FTO: variants seen among roughly 807,000 people sequenced by gnomAD.
The protein encoded by FTO is FTO alpha-ketoglutarate dependent dioxygenase, also known as alpha-ketoglutarate-dependent dioxygenase FTO.
A neutral mutation model predicts 63.9 loss-of-function variants in FTO; 47 were observed. That is an observed-to-expected ratio of 0.74 (90% CI 0.58 to 0.94). FTO has a LOEUF of 0.94. Ranked by LOEUF, FTO falls within the 40% of genes least tolerant of loss-of-function variation. FTO has a pLI of 0.00. For synonymous variants in FTO, 207 were observed against 224.4 expected, an observed-to-expected ratio of 0.92 and a Z score of 0.69; for missense variants, 562 against 618.1, an observed-to-expected ratio of 0.91 and a Z score of 0.96.
chr16:54,088,876 C>T (rs1320936217), intron 8 of FTO, among the ~76,000 whole-genome samples: 1 of 152,198 alleles, frequency 6.6e-6, no homozygotes, highest in Non-Finnish European at 1.5e-5. Context: ...CTAACACCCA[C>T]GTTATAAAGA....
At chr16:53,771,293 ATC>A (rs1026898056) in intron 1 of FTO, among the ~76,000 whole-genome samples, 1 of 152,144 alleles carries the variant, frequency 6.6e-6, no homozygotes, top group Non-Finnish European at 1.5e-5. Context: ...CCCTGGAAAC[ATC>A]CTTGACTTCG....
chr16:54,035,009 GT>G (rs759360748), intron 8 of FTO, among the ~76,000 whole-genome samples: 7 of 152,144 alleles, frequency 4.6e-5, no homozygotes, highest in Non-Finnish European at 1.0e-4. Context: ...TTGATAACCT[GT>G]TTTGTGTGCT....
At chr16:54,020,186 A>G (rs2084555236) in intron 8 of FTO, among the ~76,000 whole-genome samples, 1 of 152,214 alleles carries the variant, frequency 6.6e-6, no homozygotes, top group Admixed American at 6.5e-5. Context: ...GAAATTTAAT[A>G]CTATTTTGTC....
chr16:54,103,987 G>A (rs2086693310), intron 8 of FTO, among the ~76,000 whole-genome samples: 1 of 152,086 alleles, frequency 6.6e-6, no homozygotes, highest in African/African-American at 2.4e-5. Flanking sequence ...AATTATACAT[G>A]GAAATCCCTT....
chr16:53,966,256 G>A (rs1213235701), intron 8 of FTO, among the ~76,000 whole-genome samples: 1 of 152,128 alleles, frequency 6.6e-6, no homozygotes, highest in Non-Finnish European at 1.5e-5. Context: ...TTAATTGTCT[G>A]CCCCTACCCT....
intron 8 of FTO, among the ~76,000 whole-genome samples, chr16:54,037,198 G>A (rs2084960655): frequency 6.6e-6 from 1 of 152,156 alleles, no homozygotes; most frequent in East Asian, 1.9e-4. Flanking sequence ...TGTGGCTAGG[G>A]AGTTCAGGCC....
intron 8 of FTO, among the ~76,000 whole-genome samples, chr16:54,012,641 T>C (rs534338647): frequency 6.6e-6 from 1 of 152,336 alleles, no homozygotes; most frequent in South Asian, 2.1e-4. Flanking sequence ...TAGGGGCTAA[T>C]ATAGCTGGTA....
intron 4 of FTO, among the ~76,000 whole-genome samples, chr16:53,860,286 C>T (rs755097713): frequency 7.9e-5 from 12 of 152,160 alleles, no homozygotes; most frequent in Non-Finnish European, 1.3e-4. Context: ...CATAAATGCA[C>T]AGAGTTGAAT....
chr16:53,814,730 T>G (rs1378217114), intron 2 of FTO: 2 of 152,494 alleles, frequency 1.3e-5, no homozygotes, highest in African/African-American at 4.8e-5. Context: ...CACTTCCAAC[T>G]GCCTACGGAG....
chr16:54,110,075 T>C (rs529155045), intron 8 of FTO, among the ~76,000 whole-genome samples: 164 of 152,272 alleles, frequency 1.1e-3, no homozygotes, highest in African/African-American at 3.7e-3. Context: ...ATATTAATTT[T>C]CCCTGCATCC....
At chr16:53,963,305 G>A (rs928736244) in intron 8 of FTO, among the ~76,000 whole-genome samples, 1 of 152,090 alleles carries the variant, frequency 6.6e-6, no homozygotes, top group Non-Finnish European at 1.5e-5. Context: ...ATCTTACCTG[G>A]ACTTACTTTT....
At chr16:53,770,803 C>A (rs920596577) in intron 1 of FTO, among the ~76,000 whole-genome samples, 7 of 152,028 alleles carry the variant, frequency 4.6e-5, no homozygotes, top group Admixed American at 4.6e-4. Context: ...TGTTTGAAGG[C>A]GAGGCTTTGG....
intron 1 of FTO, among the ~76,000 whole-genome samples, chr16:53,783,765 G>A (rs2077656496): frequency 6.6e-6 from 1 of 152,032 alleles, no homozygotes; most frequent in African/African-American, 2.4e-5. Flanking sequence ...TCCGGCCTGG[G>A]TGACAGAGTG....
intron 7 of FTO, among the ~76,000 whole-genome samples, chr16:53,899,132 C>T (rs1317315863): frequency 6.6e-6 from 1 of 152,068 alleles, no homozygotes; most frequent in Non-Finnish European, 1.5e-5. Flanking sequence ...CAAAATAATA[C>T]TGAGGGCACA....
chr16:54,066,997 A>G (rs1169035724), intron 8 of FTO, among the ~76,000 whole-genome samples: 1 of 152,198 alleles, frequency 6.6e-6, no homozygotes, highest in African/African-American at 2.4e-5. Context: ...GCTTTCATTA[A>G]TGTTATTGCT....
At chr16:54,097,142 C>T (rs1323607044) in intron 8 of FTO, among the ~76,000 whole-genome samples, 3 of 151,964 alleles carry the variant, frequency 2.0e-5, no homozygotes, top group Non-Finnish European at 4.4e-5. Flanking sequence ...GATGGGAAGA[C>T]CTTTAGGGAT....
chr16:53,860,808 A>G (rs2151853261), intron 4 of FTO, among the ~76,000 whole-genome samples: 1 of 152,106 alleles, frequency 6.6e-6, no homozygotes, highest in South Asian at 2.1e-4. Context: ...TCCAAACAAT[A>G]TCAGTAATTA....
intron 8 of FTO, among the ~76,000 whole-genome samples, chr16:54,084,988 GC>G (rs777881461): frequency 3.9e-5 from 6 of 152,204 alleles, no homozygotes; most frequent in Non-Finnish European, 8.8e-5. Flanking sequence ...TGGGCCCTTG[GC>G]AGAAGTCAAA....
intron 3 of FTO, among the ~76,000 whole-genome samples, chr16:53,829,774 G>A (rs1270223529): frequency 6.6e-6 from 1 of 152,108 alleles, no homozygotes; most frequent in Non-Finnish European, 1.5e-5. Context: ...GTGGGCTCTC[G>A]TGATTATAAT....
Sources: gnomAD v4.1 joint callset for allele counts (sites outside exome capture counted in the v4.1 genomes callset) on GRCh38, gnomAD v4.1.1 for gene constraint, MANE v1.5 for transcripts, NCBI Gene and HGNC (gene_info 2026-07-23, HGNC 2026-07-21) for gene names.